The following MMP21 variants were observed in gnomAD, a reference collection of about 807,000 sequenced individuals.
The protein encoded by MMP21 is matrix metalloproteinase-21.
A neutral mutation model predicts 47.8 loss-of-function variants in MMP21; 40 were observed. The observed-to-expected ratio is 0.84, with a 90% CI of 0.65 to 1.09. MMP21 has a LOEUF of 1.09. Among genes scored for constraint, MMP21 ranks in the 50% least tolerant of loss-of-function variants. The probability of loss-of-function intolerance (pLI) is 0.00; values close to 1 mark genes in which losing one functional copy is unlikely to be tolerated. For synonymous variants in MMP21, 341 were observed against 318.0 expected (o/e 1.07, Z -0.77); for missense variants, 747 against 775.3 (o/e 0.96, Z 0.43).
chr10:125,766,992 C>G (rs754089878), intron 6 of MMP21, 31 bp from the exon 7 acceptor site: 2 of 1,507,770 alleles, frequency 1.3e-6, no homozygotes, highest in South Asian at 1.4e-5. Flanking sequence ...ACTGGCTCTT[C>G]TGAAAATTAT....
chr10:125,774,265 G>A lies in MMP21; in HGVS notation c.263C>T (p.Ala88Val), dbSNP rs1232442341. Residue 88 changes from alanine (A) to valine (V), a missense_variant, in exon 2 of 7, where the codon GCG (alanine) becomes GTG (valine). Physicochemically the swap from Ala to Val is moderately conservative, Grantham distance 64. Coordinates refer to ENST00000368808, the MANE Select transcript of MMP21 (RefSeq NM_147191.1). ...GTTCGCCCGCTGGAACCTGCGCACCGCCTCGGCCAGGGCGGCGCCCTTGGG... is the reference window on the plus strand; with the variant it reads ...GTTCGCCCGCTGGAACCTGCGCACCACCTCGGCCAGGGCGGCGCCCTTGGG... ...ETPKGAALAE[A>V]VRRFQRANAL... 2 of 1,415,338 alleles carry A rather than the reference G, an allele frequency of 1.4e-6. No homozygotes were observed. Among genetic ancestry groups the A allele is most frequent in the Non-Finnish European group, 9.2e-7 (1 of 1,090,874 alleles). 87.7% of individuals were successfully genotyped at this position (1,415,338 alleles called of 1,614,324 possible). A position where few individuals can be genotyped will look rare whatever the true frequency, so the allele number is the denominator to read the frequency against.
intron 1 of MMP21, 99 bp downstream of exon 1, chr10:125,775,560 AC>A (rs1412542299): frequency 1.4e-6 from 2 of 1,426,096 alleles, no homozygotes; most frequent in Admixed American, 5.3e-5. Flanking sequence ...CTGCCTCTGC[AC>A]AGCCGGCATC....
rs1850469051 is a variant in MMP21, at chr10:125,772,925, G to A, written c.698-175C>T. 6.6e-6 allele frequency among the ~76,000 whole-genome samples: 1 copy of A among 152,204 alleles called. No individual in the cohort carries two copies. The stretch of plus-strand genomic sequence containing the variant: ...GGGAGACGGTTTGTTTGTAAACTGT[G>A]TTTACAGTCCACAGACTGTCAGAGA... On this transcript the variant is annotated intron_variant, in intron 2 of 6. Transcript: ENST00000368808. The surrounding 1 kb of genome is among the most constrained non-coding windows in gnomAD (Gnocchi z 5.6).
At chr10:125,770,029 C>T (rs1453365303) in intron 5 of MMP21, among the ~76,000 whole-genome samples, 1 of 152,068 alleles carries the variant, frequency 6.6e-6, no homozygotes, top group Non-Finnish European at 1.5e-5. Flanking sequence ...TGGTGCGTGC[C>T]TGTGGTCCCA....
chr10:125,774,259 C>T lies in MMP21; in HGVS notation c.269G>A (p.Arg90His), dbSNP rs1387612505. The change falls in exon 2 of 7, where the codon CGC (arginine) becomes CAC (histidine). Residue 90 changes from arginine (R) to histidine (H), a missense_variant. Coordinates refer to ENST00000368808, the MANE Select transcript of MMP21 (RefSeq NM_147191.1). ...CAGCGCGTTCGCCCGCTGGAACCTG[C>T]GCACCGCCTCGGCCAGGGCGGCGCC... Reference protein sequence around the residue: ...PKGAALAEAVRRFQRANALPA... With the variant: ...PKGAALAEAVHRFQRANALPA... The T allele has an allele frequency of 7.0e-6, 10 of 1,419,638 alleles. No individual in the cohort carries two copies. The Admixed American group carries it at 1.2e-4, about 17-fold the overall frequency. The allele number at this position is 1,419,638 out of a possible 1,614,324, so 87.9% of individuals were successfully genotyped here.
rs1012490527 is a variant in MMP21 at position 125,770,606 on chromosome 10, C to G, written c.980-15G>C. 1.7e-5 allele frequency: 28 copies of G among 1,609,242 alleles called. No individual in the cohort carries two copies. The highest frequency in any genetic ancestry group is 1.7e-4 in the Middle Eastern group (1 of 6,042). On this transcript the variant is annotated splice_polypyrimidine_tract_variant and intron_variant, in intron 4 of 6. Transcript: ENST00000368808. ...CTCACAGGAGCCTTAAAAAAACAAA[C>G]AAAAAACAGCCACTTGTCACATACA...
intron 5 of MMP21, among the ~76,000 whole-genome samples, chr10:125,768,547 C>A (rs1304986553): frequency 2.6e-5 from 4 of 152,202 alleles, no homozygotes; most frequent in East Asian, 3.8e-4. Context: ...TCACAGAACA[C>A]CCCAAGCAGT....
Position 125,775,816 on chromosome 10 carries a change from G to A in MMP21, c.6C>T (p.Leu2=), listed in dbSNP as rs757551632. M[L]AASIFRPTLL... Reference sequence around the variant, plus strand: ...GTGTCGGACGGAAGATGGAGGCGGCGAGCATTGGCCTGGTCTGAACCCTTG... The same window carrying A: ...GTGTCGGACGGAAGATGGAGGCGGCAAGCATTGGCCTGGTCTGAACCCTTG... Residue 2 remains leucine (L), a synonymous_variant, in exon 1 of 7, where the codon CTC becomes CTT. Transcript: ENST00000368808. 8.1e-6 allele frequency: 13 copies of A among 1,606,824 alleles called. No homozygotes were observed. Among genetic ancestry groups the A allele is most frequent in the South Asian group, 1.1e-5 (1 of 90,040 alleles).
At chr10:125,769,977 A>C (rs533703999) in intron 5 of MMP21, among the ~76,000 whole-genome samples, 1 of 152,076 alleles carries the variant, frequency 6.6e-6, no homozygotes, top group Non-Finnish European at 1.5e-5. Context: ...GTGAGACCCC[A>C]TCTCTAAAAA....
intron 5 of MMP21, among the ~76,000 whole-genome samples, chr10:125,770,024 C>T (rs186854752): frequency 3.3e-5 from 5 of 152,084 alleles, no homozygotes; most frequent in African/African-American, 9.6e-5. Context: ...TGTAGTGGTG[C>T]GTGCCTGTGG....
chr10:125,771,564 C>T (rs551234933), intron 4 of MMP21, among the ~76,000 whole-genome samples: 30 of 152,168 alleles, frequency 2.0e-4, no homozygotes, highest in South Asian at 8.3e-4. Flanking sequence ...CCACCATGTC[C>T]GGCTAATTTT....
chr10:125,767,764 G>A (rs946068155), intron 5 of MMP21, 60 bp from the exon 6 acceptor site: 2 of 1,564,698 alleles, frequency 1.3e-6, no homozygotes, highest in African/African-American at 2.7e-5. Context: ...GTGACAAAAA[G>A]GACAGTTTTC....
rs1010788969 is a variant in MMP21 at position 125,767,111 on chromosome 10, T to G, written c.1411-150A>C. The G allele has an allele frequency of 1.3e-5, 9 of 714,548 alleles. No homozygotes were observed. In the African/African-American group the frequency reaches 1.6e-4, roughly 13 times the overall value. 44.3% of individuals were successfully genotyped at this position (714,548 alleles called of 1,614,324 possible). On this transcript the variant is annotated intron_variant, in intron 6 of 6. Transcript: ENST00000368808. Reference sequence around the variant, plus strand: ...TTCCATCATGCTCTGCCATTGCTATTTAGATCTGAAGTGAGTACACGTTTT... The same window carrying G: ...TTCCATCATGCTCTGCCATTGCTATGTAGATCTGAAGTGAGTACACGTTTT...
chr10:125,766,454 T>C lies in MMP21; in HGVS notation c.*208A>G. On this transcript the variant is annotated 3_prime_UTR_variant, in exon 7 of 7. Transcript: ENST00000368808. ...GGATGCTTAGTTTTTGTTTTTTTGT[T>C]TTTTTAAACCTTTTAGTTTATGAAT... 1 of 495,222 alleles carries C rather than the reference T, an allele frequency of 2.0e-6. No individual in the cohort carries two copies. 30.7% of individuals were successfully genotyped at this position (495,222 alleles called of 1,614,324 possible).
intron 4 of MMP21, among the ~76,000 whole-genome samples, chr10:125,771,844 G>C (rs1289739571): frequency 6.6e-6 from 1 of 152,092 alleles, no homozygotes; most frequent in Non-Finnish European, 1.5e-5. Context: ...GCTTATCCTG[G>C]CCAGGCTAAG....
Position 125,772,792 on chromosome 10 carries a change from T to C in MMP21, c.698-42A>G. 6.2e-7 allele frequency: 1 copy of C among 1,602,922 alleles called. No homozygotes were observed. ...GGAGTTGGTCCCGGTGAAGGATGAGTGCCCCCCATACAGACTCCTCACCTA... is the reference window on the plus strand; with the variant it reads ...GGAGTTGGTCCCGGTGAAGGATGAGCGCCCCCCATACAGACTCCTCACCTA... On this transcript the variant is annotated intron_variant, in intron 2 of 6. Transcript: ENST00000368808. The surrounding 1 kb of genome is among the most constrained non-coding windows in gnomAD (Gnocchi z 5.6).
Position 125,772,731 on chromosome 10 carries a change from C to A in MMP21, c.717G>T (p.Pro239=), listed in dbSNP as rs773270180. The change falls in exon 3 of 7, where the codon CCG becomes CCT. Residue 239 remains proline (P), a synonymous_variant. Transcript: ENST00000368808. This position sits in a 1 kb window ranked among gnomAD's most constrained non-coding sequence, Gnocchi z 5.6. ...GFGRGRHLGC[P]RAFDGSGQEF... ...CCTGCCCGCTCCCATCGAAGGCCCGCGGACAGCCCAGGTGCCGGCCTGGCG... is the reference window on the plus strand; with the variant it reads ...CCTGCCCGCTCCCATCGAAGGCCCGAGGACAGCCCAGGTGCCGGCCTGGCG... 2 of 1,613,932 alleles carry A rather than the reference C, an allele frequency of 1.2e-6. No homozygotes were observed. The highest frequency in any genetic ancestry group is 1.1e-5 in the South Asian group (1 of 91,076).
Position 125,770,590 on chromosome 10 carries a change from G to C in MMP21, c.981C>G (p.Gly327=). The C allele has an allele frequency of 6.2e-7, 1 of 1,611,582 alleles. No individual in the cohort carries two copies. The highest frequency in any genetic ancestry group is 8.5e-7 in the Non-Finnish European group (1 of 1,178,632). The change falls in exon 5 of 7, where the codon GGC becomes GGG. Residue 327 remains glycine (G), a splice_region_variant and synonymous_variant. Coordinates refer to ENST00000368808, the MANE Select transcript of MMP21 (RefSeq NM_147191.1). ...SDRKAIQKLY[G]SCEGSFDTAF... ...CAGTATCAAATGATCCCTCACAGGA[G>C]CCTTAAAAAAACAAACAAAAAACAG...
In MMP21 at chr10:125,773,051, T is replaced by C. The variant is rs1272480479; in HGVS notation, c.698-301A>G. On this transcript the variant is annotated intron_variant, in intron 2 of 6. Coordinates refer to ENST00000368808, the MANE Select transcript of MMP21 (RefSeq NM_147191.1). The surrounding 1 kb of genome is among the most constrained non-coding windows in gnomAD (Gnocchi z 4.8). Reference sequence around the variant, plus strand: ...GCAAAAAGGCCTCACCCGGACAAGATCGGGGCCGGATCCTCGCCTCTGCGG... The same window carrying C: ...GCAAAAAGGCCTCACCCGGACAAGACCGGGGCCGGATCCTCGCCTCTGCGG... 2.0e-5 allele frequency among the ~76,000 whole-genome samples: 3 copies of C among 152,140 alleles called. No individual in the cohort carries two copies. The highest frequency in any genetic ancestry group is 7.2e-5 in the African/African-American group (3 of 41,432).
Sources: allele counts gnomAD v4.1 joint callset (sites outside exome capture counted in the v4.1 genomes callset), GRCh38; gene constraint gnomAD v4.1.1; non-coding constraint Gnocchi (gnomAD v3.1); transcripts MANE v1.5; gene names NCBI Gene and HGNC (gene_info 2026-07-23, HGNC 2026-07-21).